Variants in HIVEP3 observed in about 807,000 individuals in gnomAD.
HIVEP3 encodes the protein transcription factor HIVEP3.
In HIVEP3, 49 loss-of-function variants were observed where a neutral mutation model predicts 152.8. The ratio of observed to expected loss-of-function variants is 0.32; its 90% CI spans 0.26 to 0.41. The LOEUF is 0.41. Ranked by LOEUF, HIVEP3 falls within the 10% of genes least tolerant of loss-of-function variation. The pLI is 1.00. For missense variants in HIVEP3, 2,790 were observed against 3,103.3 expected (o/e 0.90, Z 2.40); for synonymous variants, 1,269 against 1,289.0 (o/e 0.98, Z 0.33).
intron 3 of HIVEP3, among the ~76,000 whole-genome samples, chr1:41,613,055 C>T (rs561891217): frequency 1.9e-4 from 29 of 152,362 alleles, no homozygotes; most frequent in African/African-American, 7.0e-4. Flanking sequence ...AGAGGATTCC[C>T]TGGGCAGGGA....
chr1:41,773,398 G>A (rs1444300950), intron 1 of HIVEP3, among the ~76,000 whole-genome samples: 1 of 152,200 alleles, frequency 6.6e-6, no homozygotes, highest in Non-Finnish European at 1.5e-5. Flanking sequence ...GGGATGTGCT[G>A]AAATGACTGT....
intron 2 of HIVEP3, among the ~76,000 whole-genome samples, chr1:41,678,792 G>C (rs1645995744): frequency 6.6e-6 from 1 of 152,194 alleles, no homozygotes; most frequent in Non-Finnish European, 1.5e-5. Context: ...GATGATGACA[G>C]CTCTCCAGCC....
At chr1:41,643,135 T>G (rs1437233705) in intron 2 of HIVEP3, among the ~76,000 whole-genome samples, 1 of 152,160 alleles carries the variant, frequency 6.6e-6, no homozygotes. Context: ...CTTTTCTGGG[T>G]CTTCTCTCCA....
intron 1 of HIVEP3, among the ~76,000 whole-genome samples, chr1:41,780,628 A>C (rs1433880073): frequency 6.6e-6 from 1 of 152,208 alleles, no homozygotes; most frequent in African/African-American, 2.4e-5. Context: ...CCTGCCCCAC[A>C]GAGGTCAAAC....
rs142419920 is a variant in HIVEP3 at position 41,512,516 on chromosome 1, G to A, written c.6405+300C>T. Among the ~76,000 whole-genome samples, 327 of 152,282 alleles carry A rather than the reference G, an allele frequency of 2.1e-3. 1 individual carries two copies. The highest frequency in any genetic ancestry group is 5.2e-3 in the South Asian group (25 of 4,824). On this transcript the variant is annotated intron_variant, in intron 8 of 8. Transcript: ENST00000372583. ...TTTCATTATAAATTACCCAGTCTCA[G>A]GAATTTGTTTATAGCAATACAAGAA...
intron 1 of HIVEP3, among the ~76,000 whole-genome samples, chr1:41,815,874 A>G (rs1225870611): frequency 2.0e-5 from 3 of 151,780 alleles, no homozygotes; most frequent in African/African-American, 7.3e-5. Context: ...GGTTCAAGCA[A>G]TCCTCCTGTC....
chr1:41,688,764 C>T (rs1261722514), intron 2 of HIVEP3, among the ~76,000 whole-genome samples: 3 of 152,218 alleles, frequency 2.0e-5, no homozygotes, highest in Admixed American at 2.0e-4. Context: ...ATCATTCTGC[C>T]TCCTCCTCGG....
Position 41,547,729 on chromosome 1 carries a change from A to T in HIVEP3, c.5208-22819T>A, listed in dbSNP as rs1643838268. ...GCCCACAGAGCATTTATAATTTACAATAATTGACAATAATTTTCATGTATT... is the reference window on the plus strand; with the variant it reads ...GCCCACAGAGCATTTATAATTTACATTAATTGACAATAATTTTCATGTATT... On this transcript the variant is annotated intron_variant, in intron 5 of 8. Coordinates refer to ENST00000372583, the MANE Select transcript of HIVEP3 (RefSeq NM_024503.5). Among the ~76,000 whole-genome samples, 3 of 152,236 alleles carry T rather than the reference A, an allele frequency of 2.0e-5. No individual in the cohort carries two copies. The South Asian group carries it at 6.2e-4, about 32-fold the overall frequency.
chr1:41,747,290 A>G (rs759864660), intron 1 of HIVEP3, among the ~76,000 whole-genome samples: 1 of 152,140 alleles, frequency 6.6e-6, no homozygotes, highest in Non-Finnish European at 1.5e-5. Flanking sequence ...GTCAGTACCT[A>G]GAGAGGAGTG....
At chr1:41,653,735 G>T (rs1365856125) in intron 2 of HIVEP3, among the ~76,000 whole-genome samples, 1 of 152,106 alleles carries the variant, frequency 6.6e-6, no homozygotes. Context: ...CAGGTGTCCT[G>T]CACAGGCTAA....
intron 2 of HIVEP3, among the ~76,000 whole-genome samples, chr1:41,653,683 C>CGG: frequency 6.6e-6 from 1 of 152,292 alleles, no homozygotes. Flanking sequence ...TTCAGGGCGA[C>CGG]ACCAAATGTT....
intron 1 of HIVEP3, among the ~76,000 whole-genome samples, chr1:41,842,997 A>G (rs1217512639): frequency 1.3e-5 from 2 of 152,184 alleles, no homozygotes; most frequent in Non-Finnish European, 2.9e-5. Flanking sequence ...CTTACGCTCA[A>G]AAGCAATGTA....
chr1:41,573,099 T>A (rs1268352635), intron 5 of HIVEP3, among the ~76,000 whole-genome samples: 4 of 152,158 alleles, frequency 2.6e-5, no homozygotes, highest in Non-Finnish European at 4.4e-5. Context: ...CCATAGCAGA[T>A]CCTTCTCAAA....
chr1:41,598,508 CT>C (rs1345172031), intron 3 of HIVEP3, among the ~76,000 whole-genome samples: 1 of 152,182 alleles, frequency 6.6e-6, no homozygotes, highest in Non-Finnish European at 1.5e-5. Flanking sequence ...TGGCGACTGC[CT>C]GTGGCTTCTG....
At chr1:41,741,100 C>CA (rs1473325914) in intron 1 of HIVEP3, among the ~76,000 whole-genome samples, 1 of 152,150 alleles carries the variant, frequency 6.6e-6, no homozygotes, top group African/African-American at 2.4e-5. Context: ...CCAAGTGAGG[C>CA]AAAAACAGGC....
chr1:41,574,954 C>T, intron 5 of HIVEP3, among the ~76,000 whole-genome samples: 1 of 152,208 alleles, frequency 6.6e-6, no homozygotes. Context: ...CCATTCGTTT[C>T]CCAAAGTCAA....
In HIVEP3 at chr1:41,583,195, C is replaced by A; in HGVS notation, c.1603G>T (p.Val535Leu). The part of the protein sequence containing the change: ...LQHPPSTAPP[V>L]PLLRSHSMPS... ...ATTGAGTGGCTTCTCAGGAGAGGCA[C>A]AGGGGGGGCGGTACTGGGCGGGTGC... The change falls in exon 4 of 9, where the codon GTG becomes TTG. Residue 535 changes from valine (V) to leucine (L), a missense_variant. By Grantham distance (32) the Val-to-Leu change is conservative. Coordinates refer to ENST00000372583, the MANE Select transcript of HIVEP3 (RefSeq NM_024503.5). This position sits in a 1 kb window ranked among gnomAD's most constrained non-coding sequence, Gnocchi z 6.9. The A allele has an allele frequency of 6.2e-7, 1 of 1,603,842 alleles. No individual in the cohort carries two copies. Among genetic ancestry groups the A allele is most frequent in the South Asian group, 1.1e-5 (1 of 90,368 alleles).
intron 4 of HIVEP3, among the ~76,000 whole-genome samples, chr1:41,577,628 G>A (rs1178360564): frequency 6.6e-6 from 1 of 152,216 alleles, no homozygotes; most frequent in Non-Finnish European, 1.5e-5. Context: ...TCCTAGACCT[G>A]CATGAAGATG....
chr1:41,571,247 A>G (rs1170498410), intron 5 of HIVEP3, among the ~76,000 whole-genome samples: 1 of 152,224 alleles, frequency 6.6e-6, no homozygotes, highest in African/African-American at 2.4e-5. Context: ...TCTTCCGTGT[A>G]AGCCCACTGG....
Sources: allele counts gnomAD v4.1 joint callset (sites outside exome capture counted in the v4.1 genomes callset), GRCh38; gene constraint gnomAD v4.1.1; non-coding constraint Gnocchi (gnomAD v3.1); transcripts MANE v1.5; gene names NCBI Gene and HGNC (gene_info 2026-07-23, HGNC 2026-07-21).